ASRGL1: variants seen among roughly 807,000 people sequenced by gnomAD.
The protein encoded by ASRGL1 is asparaginase and isoaspartyl peptidase 1.
A neutral mutation model predicts 22.4 loss-of-function variants in ASRGL1; 16 were observed. The ratio of observed to expected loss-of-function variants is 0.71; its 90% CI spans 0.48 to 1.08. ASRGL1 has a LOEUF of 1.08. Among genes scored for constraint, ASRGL1 ranks in the 50% least tolerant of loss-of-function variants. The pLI, the probability that ASRGL1 is intolerant of heterozygous loss-of-function variation, is 0.00. For synonymous variants in ASRGL1, 165 were observed against 159.3 expected (o/e 1.04, Z -0.27); for missense variants, 412 against 410.1 (o/e 1.00, Z -0.04).
intron 4 of ASRGL1, chr11:62,371,201 C>A: frequency 8.0e-7 from 1 of 1,253,310 alleles, no homozygotes; most frequent in Non-Finnish European, 1.0e-6. Context: ...ACTGCCCACG[C>A]CAGGGCCCAG....
At chr11:62,362,813 TAC>T (rs57501048) in intron 4 of ASRGL1, among the ~76,000 whole-genome samples, 18,223 of 83,668 alleles carry the variant, frequency 0.22, 2,136 homozygotes, top group East Asian at 0.31. Context: ...TTATCTGACA[TAC>T]ACACACACAC....
chr11:62,354,992 A>G (rs1160282996), intron 2 of ASRGL1, among the ~76,000 whole-genome samples: 2 of 151,658 alleles, frequency 1.3e-5, no homozygotes, highest in Non-Finnish European at 2.9e-5. Flanking sequence ...CCCTTGGCTC[A>G]TGGCAACCTC....
At chr11:62,363,586 G>T (rs1011771042) in intron 4 of ASRGL1, among the ~76,000 whole-genome samples, 2 of 152,156 alleles carry the variant, frequency 1.3e-5, no homozygotes, top group African/African-American at 4.8e-5. Flanking sequence ...ATAAGTGATT[G>T]TGATTTATAT....
downstream of ASRGL1, among the ~76,000 whole-genome samples, chr11:62,396,852 C>T (rs1455843349): frequency 1.3e-5 from 2 of 151,940 alleles, no homozygotes; most frequent in African/African-American, 4.8e-5. Context: ...GGATCATGTG[C>T]AGAACTCAGA....
intron 2 of ASRGL1, among the ~76,000 whole-genome samples, chr11:62,340,204 A>G (rs1028447780): frequency 2.7e-4 from 41 of 152,196 alleles, no homozygotes; most frequent in Non-Finnish European, 8.8e-5. Flanking sequence ...CAGGAGGTCA[A>G]GGCTGCAATG....
At chr11:62,362,552 CATATATTATTTATATAA>C (rs1946472229) in intron 4 of ASRGL1, among the ~76,000 whole-genome samples, 1 of 26,110 alleles carries the variant, frequency 3.8e-5, no homozygotes, top group Non-Finnish European at 5.5e-5. Flanking sequence ...AAATATATAA[CATATATTATTTATATAA>C]TATATATTAT....
In ASRGL1 at chr11:62,341,903, G is replaced by A. The variant is rs116135039; in HGVS notation, c.190+3736G>A. On this transcript the variant is annotated intron_variant, in intron 2 of 6. Transcript: ENST00000415229. Reference sequence around the variant, plus strand: ...ATTCCTGTAGTTTTGTCATTTCCAGGATGTCGTATGTTTGAAATGTTTGTT... The same window carrying A: ...ATTCCTGTAGTTTTGTCATTTCCAGAATGTCGTATGTTTGAAATGTTTGTT... Among the ~76,000 whole-genome samples, 1,073 of 152,254 alleles carry A rather than the reference G, an allele frequency of 7.0e-3. 9 individuals are homozygous for A. The highest frequency in any genetic ancestry group is 0.024 in the African/African-American group (1,001 of 41,526).
intron 4 of ASRGL1, among the ~76,000 whole-genome samples, 176 bp from the exon 5 acceptor site, chr11:62,388,957 C>T (rs1947275855): frequency 2.0e-5 from 3 of 152,088 alleles, no homozygotes; most frequent in African/African-American, 7.2e-5. Flanking sequence ...TCCAGCAATC[C>T]ACCTGTAACT....
chr11:62,355,774 C>T (rs1055930215), intron 2 of ASRGL1, among the ~76,000 whole-genome samples: 7 of 152,034 alleles, frequency 4.6e-5, no homozygotes, highest in African/African-American at 1.4e-4. Flanking sequence ...TGCGGCCTTC[C>T]GCAGTGTTTG....
downstream of ASRGL1, among the ~76,000 whole-genome samples, chr11:62,398,118 C>T (rs966876497): frequency 6.6e-6 from 1 of 152,010 alleles, no homozygotes; most frequent in African/African-American, 2.4e-5. Flanking sequence ...ACCGCAGGAG[C>T]CATGCAGCGC....
chr11:62,391,983 T>G (rs1947350731), intron 6 of ASRGL1, 96 bp from the exon 7 acceptor site: 4 of 1,429,580 alleles, frequency 2.8e-6, no homozygotes, highest in Non-Finnish European at 3.9e-6. Flanking sequence ...CCAAAAATCC[T>G]TGCTAGCTCA....
the ASRGL1 span, among the ~76,000 whole-genome samples, chr11:62,398,775 G>A: frequency 6.6e-6 from 1 of 152,144 alleles, no homozygotes; most frequent in Non-Finnish European, 1.5e-5. Flanking sequence ...GGCCATCTTT[G>A]TTGTCTTATC....
intron 2 of ASRGL1, 129 bp downstream of exon 2, chr11:62,338,296 C>A: frequency 9.7e-7 from 1 of 1,027,342 alleles, no homozygotes; most frequent in Non-Finnish European, 1.3e-6. Flanking sequence ...AAAAAAGAAA[C>A]AATATTTAAT....
chr11:62,372,997 A>G, intron 4 of ASRGL1: 1 of 1,388,170 alleles, frequency 7.2e-7, no homozygotes, highest in Non-Finnish European at 1.0e-6. Flanking sequence ...GAACTGGGCT[A>G]CAGGGATCAC....
intron 4 of ASRGL1, among the ~76,000 whole-genome samples, chr11:62,379,403 C>G (rs1356836561): frequency 2.0e-5 from 3 of 152,154 alleles, no homozygotes; most frequent in South Asian, 2.1e-4. Flanking sequence ...GCTTCCAAAC[C>G]CTCCTTTCTA....
At chr11:62,387,192 A>T (rs11231070) in intron 4 of ASRGL1, among the ~76,000 whole-genome samples, 4 of 151,690 alleles carry the variant, frequency 2.6e-5, no homozygotes, top group African/African-American at 9.7e-5. Context: ...TGTGAGCCAC[A>T]GCGCCTGGCC....
At position 62,344,412 on chromosome 11, in the gene ASRGL1, G is replaced by C. The variant is rs569788920; in HGVS notation, c.190+6245G>C. ...GCAAAAAGCAGAAGTTCTCAACTTT[G>C]CAGAAGTCCAGTTTATCAGTTTTTT... On this transcript the variant is annotated intron_variant, in intron 2 of 6. Transcript: ENST00000415229. Among the ~76,000 whole-genome samples the C allele has an allele frequency of 1.7e-4, 26 of 152,140 alleles. 1 individual carries two copies. The South Asian group carries it at 5.2e-3, about 30-fold the overall frequency.
intron 4 of ASRGL1, among the ~76,000 whole-genome samples, chr11:62,375,481 T>TATATATATATA (rs1565169625): frequency 3.0e-4 from 25 of 84,702 alleles, no homozygotes; most frequent in African/African-American, 3.4e-4. Flanking sequence ...TATATATATA[T>TATATATATATA]TTCTTGGAGT....
In ASRGL1 at chr11:62,338,023, T is replaced by G; in HGVS notation, c.46T>G (p.Ser16Ala). The G allele has an allele frequency of 6.2e-7, 1 of 1,607,878 alleles. No individual in the cohort carries two copies. The highest frequency in any genetic ancestry group is 1.1e-5 in the South Asian group (1 of 89,838). The change falls in exon 2 of 7, where the codon TCC becomes GCC. Residue 16 changes from serine to alanine, a missense_variant. Transcript: ENST00000415229. ...CCACGGCGGCGGAGCCGGTCCCATC[T>G]CCAAGGATCGGAAGGAGCGAGTGCA... The part of the protein sequence containing the change: ...VVHGGGAGPI[S>A]KDRKERVHQG...
Sources: gnomAD v4.1 joint callset for allele counts (sites outside exome capture counted in the v4.1 genomes callset) on GRCh38, gnomAD v4.1.1 for gene constraint, MANE v1.5 for transcripts, NCBI Gene and HGNC (gene_info 2026-07-23, HGNC 2026-07-21) for gene names.